CMC2: variants seen among roughly 807,000 people sequenced by gnomAD.
CMC2 encodes the protein COX assembly mitochondrial protein 2 homolog.
Under a neutral mutation model 7.5 loss-of-function variants are expected in CMC2, and 5 were observed. The observed-to-expected ratio is 0.66, with a 90% CI of 0.35 to 1.40. The LOEUF is 1.40. CMC2 is among the 40% of genes most tolerant of loss of function. The pLI is 0.04. For missense variants in CMC2, 115 were observed against 92.3 expected (o/e 1.25, Z -1.01); for synonymous variants, 37 against 31.4 (o/e 1.18, Z -0.60).
chr16:80,980,727 CA>C (rs113277686), intron 3 of CMC2: 5 of 647,448 alleles, frequency 7.7e-6, no homozygotes, highest in South Asian at 1.7e-5. Flanking sequence ...CTCATCTCTA[CA>C]AAAAAATGTG....
rs529780805 is a variant in CMC2, at chr16:80,970,718, C to A, written c.*5375G>T. The A allele has an allele frequency of 2.0e-5, 3 of 152,274 alleles. No homozygotes were observed. In the South Asian group the frequency reaches 6.2e-4, roughly 32 times the overall value. The allele number at this position is 152,274 out of a possible 1,614,324, so 9.4% of individuals were successfully genotyped here. ...CCCCAGAATTATTAAGAAAGTTTGGCAAGCCTTCTGAATGTAAGATAAATA... is the reference window on the plus strand; with the variant it reads ...CCCCAGAATTATTAAGAAAGTTTGGAAAGCCTTCTGAATGTAAGATAAATA... On this transcript the variant is annotated 3_prime_UTR_variant, in exon 4 of 4. Transcript: ENST00000219400.
rs1279266603 is a variant in CMC2 at position 80,970,808 on chromosome 16, C to T, written c.*5285G>A. The stretch of plus-strand genomic sequence containing the variant: ...AATTAGAATAAATTGGATGCAGGGG[C>T]TCATGCCTATAATCCCTGCTTTATA... On this transcript the variant is annotated 3_prime_UTR_variant, in exon 4 of 4. Coordinates refer to ENST00000219400, the MANE Select transcript of CMC2 (RefSeq NM_020188.5). 6.6e-6 allele frequency: 1 copy of T among 152,140 alleles called. No homozygotes were observed. Among genetic ancestry groups the T allele is most frequent in the African/African-American group, 2.4e-5 (1 of 41,436 alleles). The allele number at this position is 152,140 out of a possible 1,614,324, so 9.4% of individuals were successfully genotyped here. A position where few individuals can be genotyped will look rare whatever the true frequency, so the allele number is the denominator to read the frequency against.
chr16:80,984,086 T>C (rs1451543812), intron 2 of CMC2: 2 of 152,244 alleles, frequency 1.3e-5, no homozygotes, highest in African/African-American at 2.4e-5. Flanking sequence ...AAGTTCAGTC[T>C]GATTTAAAAA....
chr16:80,998,366 A>G (rs559313537), intron 1 of CMC2: 1 of 149,388 alleles, frequency 6.7e-6, no homozygotes. Context: ...TGAAAAAAAA[A>G]CAGAAAATAA....
Position 80,997,361 on chromosome 16 carries a change from C to T in CMC2, c.34G>A (p.Glu12Lys). ...HPDLSPHLHT[E>K]ECNVLINLLK... ...AAGTTAATCAAGACGTTGCATTCTT[C>T]AGTGTGCAAGTGTGGAGATAAGTCA... Residue 12 changes from glutamate to lysine, a missense_variant, in exon 2 of 4, where the codon GAA becomes AAA. Coordinates refer to ENST00000219400, the MANE Select transcript of CMC2 (RefSeq NM_020188.5). 1.3e-6 allele frequency: 2 copies of T among 1,536,206 alleles called. No homozygotes were observed. The highest frequency in any genetic ancestry group is 2.5e-5 in the East Asian group (1 of 40,074).
rs16954361 is a variant in CMC2, at chr16:80,975,763, C to T, written c.*330G>A. ...GAAAAAGCCTAATGGCAACATTTTCCTCTAATGCCAAAAGAATCTAAGAGA... is the reference window on the plus strand; with the variant it reads ...GAAAAAGCCTAATGGCAACATTTTCTTCTAATGCCAAAAGAATCTAAGAGA... On this transcript the variant is annotated 3_prime_UTR_variant, in exon 4 of 4. Transcript: ENST00000219400. The T allele has an allele frequency of 0.016, 2,826 of 172,842 alleles. 90 individuals carry two copies. Among genetic ancestry groups the T allele is most frequent in the African/African-American group, 0.064 (2,684 of 42,178 alleles). The allele number at this position is 172,842 out of a possible 1,614,324, so 10.7% of individuals were successfully genotyped here.
intron 3 of CMC2, among the ~76,000 whole-genome samples, 185 bp downstream of exon 3, chr16:80,981,621 T>G (rs1448533238): frequency 1.3e-5 from 2 of 152,242 alleles, no homozygotes; most frequent in Non-Finnish European, 2.9e-5. Flanking sequence ...CAAAAAGCCA[T>G]GTTCTAAAAC....
chr16:80,994,561 T>G (rs1968257150), intron 2 of CMC2, among the ~76,000 whole-genome samples: 1 of 152,116 alleles, frequency 6.6e-6, no homozygotes, highest in South Asian at 2.1e-4. Context: ...GCAAAAAATT[T>G]TATATGAATG....
At chr16:81,006,155 CG>C (rs1464186252) in intron 1 of CMC2, among the ~76,000 whole-genome samples, 6 of 151,722 alleles carry the variant, frequency 4.0e-5, no homozygotes, top group Non-Finnish European at 5.9e-5. Context: ...GATCTTTAAA[CG>C]CAAGAAAAGC....
At chr16:80,981,750 T>C in intron 3 of CMC2, 56 bp downstream of exon 3, 1 of 1,151,488 alleles carries the variant, frequency 8.7e-7, no homozygotes, top group South Asian at 1.4e-5. Context: ...TACACAATAT[T>C]CAAAAATGTT....
At chr16:81,004,216 C>G (rs2151657621) in intron 1 of CMC2, among the ~76,000 whole-genome samples, 1 of 120,566 alleles carries the variant, frequency 8.3e-6, no homozygotes, top group Admixed American at 8.9e-5. Flanking sequence ...GAGTGAGACT[C>G]CATCTCAAAA....
At chr16:80,976,314 T>C (rs770537683) in intron 3 of CMC2, 135 bp from the exon 4 acceptor site, 21 of 575,500 alleles carry the variant, frequency 3.6e-5, no homozygotes, top group Middle Eastern at 3.8e-4. Context: ...TTAAACATGT[T>C]CTTACTGACA....
intron 2 of CMC2, among the ~76,000 whole-genome samples, chr16:80,984,684 T>C (rs1238329680): frequency 6.6e-6 from 1 of 152,266 alleles, no homozygotes. Context: ...ACAATGCATT[T>C]TCATGCCTTC....
intron 2 of CMC2, among the ~76,000 whole-genome samples, chr16:80,986,624 G>T (rs28410609): frequency 0.024 from 3,731 of 152,336 alleles, 144 homozygotes; most frequent in African/African-American, 0.084. Context: ...TATGGCAGTG[G>T]CACTGGCAAA....
chr16:80,981,972 A>G (rs1288098638), intron 2 of CMC2, 95 bp from the exon 3 acceptor site: 2 of 677,750 alleles, frequency 3.0e-6, no homozygotes, highest in East Asian at 2.7e-5. Context: ...ATGAGTTTAC[A>G]GTGTCACTTT....
intron 2 of CMC2, chr16:80,988,590 A>G (rs1967726476): frequency 3.1e-6 from 2 of 636,822 alleles, no homozygotes; most frequent in Admixed American, 4.6e-5. Context: ...GATATGATGC[A>G]CGTTTCCTAA....
At chr16:80,995,528 A>C (rs1968341137) in intron 2 of CMC2, among the ~76,000 whole-genome samples, 1 of 152,000 alleles carries the variant, frequency 6.6e-6, no homozygotes, top group Non-Finnish European at 1.5e-5. Flanking sequence ...CTGGTGGCGC[A>C]CGCCTGTAAT....
chr16:80,998,034 T>A (rs1263991100), intron 1 of CMC2: 1 of 151,778 alleles, frequency 6.6e-6, no homozygotes, highest in Non-Finnish European at 1.5e-5. Context: ...AACTTAAGTT[T>A]AATTGGATCA....
intron 3 of CMC2, among the ~76,000 whole-genome samples, chr16:80,977,483 T>A (rs981340467): frequency 2.0e-5 from 3 of 152,088 alleles, no homozygotes; most frequent in Non-Finnish European, 2.9e-5. Flanking sequence ...ACTGAAAACA[T>A]GTGAACAGTT....
Sources: gnomAD v4.1 joint callset for allele counts (sites outside exome capture counted in the v4.1 genomes callset) on GRCh38, gnomAD v4.1.1 for gene constraint, MANE v1.5 for transcripts, NCBI Gene and HGNC (gene_info 2026-07-23, HGNC 2026-07-21) for gene names.